Variants in TRIM9 observed in about 807,000 individuals in gnomAD.
TRIM9 encodes E3 ubiquitin-protein ligase TRIM9.
Under a neutral mutation model 78.3 loss-of-function variants are expected in TRIM9, and 26 were observed. The observed-to-expected ratio is 0.33, with a 90% CI of 0.24 to 0.46. The LOEUF (loss-of-function observed/expected upper bound fraction) is 0.46. Among genes scored for constraint, TRIM9 ranks in the 20% least tolerant of loss-of-function variants. TRIM9 has a pLI of 1.00. For missense variants in TRIM9, 787 were observed against 1,036.4 expected, an observed-to-expected ratio of 0.76 and a Z score of 3.30; for synonymous variants, 398 against 416.5, an observed-to-expected ratio of 0.96 and a Z score of 0.54.
chr14:51,047,569 T>C (rs1029323280), intron 1 of TRIM9, among the ~76,000 whole-genome samples: 1 of 152,226 alleles, frequency 6.6e-6, no homozygotes, highest in South Asian at 2.1e-4. Context: ...CTGATGTAAA[T>C]GTTCATGATG....
At chr14:50,987,622 T>C (rs368666426) in intron 7 of TRIM9, among the ~76,000 whole-genome samples, 1 of 152,296 alleles carries the variant, frequency 6.6e-6, no homozygotes, top group South Asian at 2.1e-4. Flanking sequence ...TCTTCAGATA[T>C]GATAAATCAA....
At chr14:51,046,105 T>C (rs952309784) in intron 1 of TRIM9, among the ~76,000 whole-genome samples, 6 of 151,804 alleles carry the variant, frequency 4.0e-5, no homozygotes, top group African/African-American at 1.5e-4. Context: ...TGACCGCGTT[T>C]TAGAAATGGA....
At chr14:50,999,118 G>A (rs1318563476) in intron 6 of TRIM9, among the ~76,000 whole-genome samples, 1 of 152,134 alleles carries the variant, frequency 6.6e-6, no homozygotes, top group African/African-American at 2.4e-5. Flanking sequence ...GTAGGGTCTC[G>A]ATTTTGCATT....
chr14:50,987,524 G>C (rs2139368192), intron 7 of TRIM9, among the ~76,000 whole-genome samples: 1 of 152,286 alleles, frequency 6.6e-6, no homozygotes. Context: ...ATGGAGTCAA[G>C]ACTTTGTGTT....
At chr14:51,073,011 A>C (rs564941150) in intron 1 of TRIM9, among the ~76,000 whole-genome samples, 1 of 152,226 alleles carries the variant, frequency 6.6e-6, no homozygotes, top group East Asian at 1.9e-4. Flanking sequence ...TTGGCAACTC[A>C]ATGGAAAAGT....
At chr14:51,050,983 T>C (rs9972233) in intron 1 of TRIM9, among the ~76,000 whole-genome samples, 11,554 of 152,226 alleles carry the variant, frequency 0.076, 503 homozygotes, top group African/African-American at 0.11. Flanking sequence ...CAAGCCAAGA[T>C]GCTGCTGATT....
intron 5 of TRIM9, among the ~76,000 whole-genome samples, chr14:51,005,355 G>C (rs2055639313): frequency 6.6e-6 from 1 of 152,154 alleles, no homozygotes; most frequent in Non-Finnish European, 1.5e-5. Flanking sequence ...AGGCACTTAA[G>C]GGGATTAACA....
rs10483605 is a variant in TRIM9 at position 51,010,361 on chromosome 14, C to T, written c.1152+23G>A. ...GTCCTATGGGACATTTAGAATCTGA[C>T]GCAGAAACTAGTTAACTCTTACCTG... On this transcript the variant is annotated intron_variant, in intron 4 of 12. Coordinates refer to ENST00000684578, the MANE Select transcript of TRIM9 (RefSeq NM_001387360.1). 1.9e-3 allele frequency: 2,972 copies of T among 1,565,302 alleles called. 55 individuals carry two copies. The African/African-American group carries it at 0.032, about 17-fold the overall frequency.
intron 12 of TRIM9, chr14:50,979,142 A>G (rs2051463249): frequency 7.1e-7 from 1 of 1,407,388 alleles, no homozygotes; most frequent in South Asian, 1.7e-5. Context: ...GCCAACCATG[A>G]AGAGAATTCT....
chr14:51,025,206 C>T (rs2058103897), intron 2 of TRIM9, 59 bp downstream of exon 2: 4 of 1,443,004 alleles, frequency 2.8e-6, no homozygotes, highest in South Asian at 2.4e-5. Context: ...GGAAACTCTC[C>T]CGCCACACAG....
intron 11 of TRIM9, among the ~76,000 whole-genome samples, chr14:50,979,959 T>A (rs997643964): frequency 6.6e-6 from 1 of 152,222 alleles, no homozygotes; most frequent in Non-Finnish European, 1.5e-5. Flanking sequence ...GAGCTCTGAC[T>A]CTAGGAATAT....
chr14:50,998,255 T>C (rs900898430), intron 6 of TRIM9, 67 bp from the exon 7 acceptor site: 3 of 1,515,942 alleles, frequency 2.0e-6, no homozygotes, highest in Non-Finnish European at 2.7e-6. Flanking sequence ...GGAGGCAGTG[T>C]CGCTCAGTGG....
At chr14:51,065,389 C>G (rs1016315627) in intron 1 of TRIM9, among the ~76,000 whole-genome samples, 1 of 152,178 alleles carries the variant, frequency 6.6e-6, no homozygotes, top group African/African-American at 2.4e-5. Context: ...CCAGAAAACC[C>G]TCCTTGATGG....
At chr14:51,002,358 T>A (rs1048949219) in intron 5 of TRIM9, among the ~76,000 whole-genome samples, 1 of 151,936 alleles carries the variant, frequency 6.6e-6, no homozygotes, top group Non-Finnish European at 1.5e-5. Flanking sequence ...ATGGTCTCGA[T>A]CTACTGACCT....
intron 3 of TRIM9, among the ~76,000 whole-genome samples, chr14:51,011,319 T>A (rs10149656): frequency 0.85 from 129,320 of 152,224 alleles, 55,182 homozygotes; most frequent in African/African-American, 0.89. Flanking sequence ...CATTTGTCAT[T>A]TGTGTCCTCT....
intron 7 of TRIM9, among the ~76,000 whole-genome samples, chr14:50,995,519 A>G (rs75117095): frequency 0.019 from 2,923 of 152,312 alleles, 93 homozygotes; most frequent in African/African-American, 0.065. Flanking sequence ...TCCCCTGCAT[A>G]ACGTTACCTT....
At position 51,039,218 on chromosome 14, in the gene TRIM9, C is replaced by T. The variant is rs2059397235; in HGVS notation, c.823-13858G>A. 1.3e-5 allele frequency among the ~76,000 whole-genome samples: 2 copies of T among 152,222 alleles called. 1 individual carries two copies. Among genetic ancestry groups the T allele is most frequent in the South Asian group, 4.1e-4 (2 of 4,838 alleles). ...AGCACATGGAACATCTAGACCCTCA[C>T]ATGTTGCTACTGAGAGTGTTAAAAT... On this transcript the variant is annotated intron_variant, in intron 1 of 12. Coordinates refer to ENST00000684578, the MANE Select transcript of TRIM9 (RefSeq NM_001387360.1).
In TRIM9 at chr14:50,982,010, C is replaced by T. The variant is rs1220724514; in HGVS notation, c.1952G>A (p.Arg651Gln). The T allele has an allele frequency of 1.2e-6, 2 of 1,614,010 alleles. No homozygotes were observed. Among genetic ancestry groups the T allele is most frequent in the Non-Finnish European group, 1.7e-6 (2 of 1,180,046 alleles). ...GAAGCCAGTCTTCCCTAGCACCACCCGGTCATCATAGCTACTACAGGTCAC... is the reference window on the plus strand; with the variant it reads ...GAAGCCAGTCTTCCCTAGCACCACCTGGTCATCATAGCTACTACAGGTCAC... ...LTVTCSSYDD[R>Q]VVLGKTGFSK... is the part of the protein sequence containing the mutation. The change falls in exon 11 of 13, where the codon CGG (arginine) becomes CAG (glutamine). Residue 651 changes from arginine to glutamine, a missense_variant. By Grantham distance (43) the Arg-to-Gln change is conservative. This residue lies in a region of TRIM9 where 421 missense variants were observed against 514.3 expected (regional missense o/e 0.82). Coordinates refer to ENST00000684578, the MANE Select transcript of TRIM9 (RefSeq NM_001387360.1).
chr14:51,025,282 T>C lies in TRIM9; in HGVS notation c.901A>G (p.Met301Val). 1.2e-6 allele frequency: 2 copies of C among 1,614,176 alleles called. No individual in the cohort carries two copies. The highest frequency in any genetic ancestry group is 1.7e-6 in the Non-Finnish European group (2 of 1,180,012). Residue 301 changes from methionine to valine, a missense_variant, in exon 2 of 13, where the codon ATG becomes GTG. Met to Val is a conservative substitution (Grantham distance 21, BLOSUM62 1). Around this residue, in one of 3 missense-constraint regions of TRIM9, gnomAD observed 352 missense variants for 472.3 expected, o/e 0.75. Coordinates refer to ENST00000684578, the MANE Select transcript of TRIM9 (RefSeq NM_001387360.1). ...AKEFLVQLRN[M>V]VQQIQENSVE... Reference sequence around the variant, plus strand: ...ACCCATACCTGGATCTGCTGGACCATGTTGCGCAGCTGTACCAGAAACTCC... The same window carrying C: ...ACCCATACCTGGATCTGCTGGACCACGTTGCGCAGCTGTACCAGAAACTCC...
Sources: gnomAD v4.1 joint callset for allele counts (sites outside exome capture counted in the v4.1 genomes callset) on GRCh38, gnomAD v4.1.1 for gene constraint, gnomAD v4.1.1 regional missense constraint, MANE v1.5 for transcripts, NCBI Gene and HGNC (gene_info 2026-07-23, HGNC 2026-07-21) for gene names.